The following PACS2 variants were observed in gnomAD, a reference collection of about 807,000 sequenced individuals.
The protein encoded by PACS2 is PACS1-like protein.
In PACS2, 36 loss-of-function variants were observed where a neutral mutation model predicts 113.0. The observed-to-expected ratio is 0.32, with a 90% confidence interval of 0.24 to 0.42. The LOEUF is 0.42. PACS2 is among the 10% of genes least tolerant of loss of function. The pLI is 1.00. For missense variants in PACS2, 1,015 were observed against 1,239.5 expected, an observed-to-expected ratio of 0.82 and a Z score of 2.72; for synonymous variants, 589 against 536.1, an observed-to-expected ratio of 1.10 and a Z score of -1.36.
At chr14:105,385,605 GAGTGCCCTCGGC>G (rs1175526021) in intron 18 of PACS2, 68 bp from the exon 19 acceptor site, 12 of 936,462 alleles carry the variant, frequency 1.3e-5, no homozygotes, top group Non-Finnish European at 1.9e-5. Context: ...GGGAGCCACT[GAGTGCCCTCGGC>G]GGTCCCTGGA....
At chr14:105,350,834 G>T (rs1213519089) in intron 2 of PACS2, among the ~76,000 whole-genome samples, 1 of 152,228 alleles carries the variant, frequency 6.6e-6, no homozygotes, top group Non-Finnish European at 1.5e-5. Flanking sequence ...AAGGGGAGGA[G>T]CAGGGAGAGT....
At chr14:105,377,754 C>T (rs1344313386) in intron 9 of PACS2, among the ~76,000 whole-genome samples, 1 of 152,260 alleles carries the variant, frequency 6.6e-6, no homozygotes, top group Non-Finnish European at 1.5e-5. Context: ...CCAGCAGCCA[C>T]CATAACAGGT....
At position 105,376,936 on chromosome 14, in the gene PACS2, C is replaced by T. The variant is rs781976486; in HGVS notation, c.959+11C>T. The T allele has an allele frequency of 1.4e-5, 22 of 1,586,470 alleles. No homozygotes were observed. Among genetic ancestry groups the T allele is most frequent in the Admixed American group, 8.8e-5 (5 of 57,030 alleles). ...CAAGCCGAAGCTGCGGTGAGCCCTA[C>T]AGGGCGGGGCGGGGAGGAACAGCCA... On this transcript the variant is annotated intron_variant, in intron 9 of 24. Transcript: ENST00000447393. This position sits in a 1 kb window ranked among gnomAD's most constrained non-coding sequence, Gnocchi z 4.7.
chr14:105,335,832 C>T (rs1166263202), intron 1 of PACS2, among the ~76,000 whole-genome samples: 3 of 152,226 alleles, frequency 2.0e-5, no homozygotes, highest in Admixed American at 6.5e-5. Flanking sequence ...CGCCCTCGGC[C>T]GCCCGGGCGA....
chr14:105,383,881 C>G (rs1039991771), intron 16 of PACS2: 8 of 299,692 alleles, frequency 2.7e-5, no homozygotes, highest in Admixed American at 4.8e-5. Context: ...AAGTGCAAAG[C>G]AGGGCTCGTT....
At chr14:105,313,031 G>A (rs779358083), upstream of PACS2, among the ~76,000 whole-genome samples, 2 of 152,112 alleles carry the variant, frequency 1.3e-5, no homozygotes, top group African/African-American at 4.8e-5. Flanking sequence ...GGCTCACAAC[G>A]GTGCCTGGCA....
upstream of PACS2, among the ~76,000 whole-genome samples, chr14:105,311,099 C>T (rs1022110625): frequency 6.6e-6 from 1 of 152,064 alleles, no homozygotes; most frequent in African/African-American, 2.4e-5. Flanking sequence ...ATTACAGGCG[C>T]GCACCATCAT....
intron 1 of PACS2, among the ~76,000 whole-genome samples, chr14:105,325,169 C>CCGG (rs1555398083): frequency 2.4e-5 from 1 of 41,854 alleles, no homozygotes; most frequent in African/African-American, 5.0e-5. Context: ...GGTGGTGGGA[C>CCGG]GGGGGGGGGC....
At chr14:105,375,936 A>T (rs1170271012) in intron 8 of PACS2, among the ~76,000 whole-genome samples, 3 of 152,176 alleles carry the variant, frequency 2.0e-5, no homozygotes, top group African/African-American at 7.2e-5. Context: ...TAAAGGAAAG[A>T]GGTTTAGTTG....
rs2060038546 is a variant in PACS2, at chr14:105,348,759, C to T, written c.207+179C>T. 1.7e-6 allele frequency: 1 copy of T among 599,422 alleles called. No individual in the cohort carries two copies. The highest frequency in any genetic ancestry group is 1.8e-5 in the South Asian group (1 of 54,928). 37.1% of individuals were successfully genotyped at this position (599,422 alleles called of 1,614,324 possible). Reference sequence around the variant, plus strand: ...AGGATGCTCCTGGGTCCAGTCCTGTCCCGCACAAGGGAGGCAGGCCCGGCC... The same window carrying T: ...AGGATGCTCCTGGGTCCAGTCCTGTTCCGCACAAGGGAGGCAGGCCCGGCC... On this transcript the variant is annotated intron_variant, in intron 2 of 24. Transcript: ENST00000447393. The surrounding 1 kb of genome is among the most constrained non-coding windows in gnomAD (Gnocchi z 6.4).
At chr14:105,362,243 A>C (rs7160904) in intron 4 of PACS2, among the ~76,000 whole-genome samples, 32,347 of 150,000 alleles carry the variant, frequency 0.22, 6,241 homozygotes, top group African/African-American at 0.53. Flanking sequence ...ACAGTGAAAC[A>C]CCGTCTCTAC....
At chr14:105,383,563 T>C (rs782727665) in intron 16 of PACS2, 50 bp downstream of exon 16, 3 of 1,522,158 alleles carry the variant, frequency 2.0e-6, no homozygotes, top group Admixed American at 1.8e-5. Context: ...CCACGGGCAG[T>C]GTGGCGTGGC....
rs745328502 is a variant in PACS2, at chr14:105,317,553, C to T, written c.119+2516C>T. Among the ~76,000 whole-genome samples, 77 of 152,170 alleles carry T rather than the reference C, an allele frequency of 5.1e-4. 1 individual carries two copies. The highest frequency in any genetic ancestry group is 5.9e-4 in the Non-Finnish European group (40 of 68,022). ...GGTATCGTGGTTTTAACTTGAATTT[C>T]TCTGATTACTAATTTAGGCCATTTG... On this transcript the variant is annotated intron_variant, in intron 1 of 24. Transcript: ENST00000447393. This position sits in a 1 kb window ranked among gnomAD's most constrained non-coding sequence, Gnocchi z 4.2.
intron 19 of PACS2, 98 bp from the exon 20 acceptor site, chr14:105,389,863 C>T (rs1279023243): frequency 3.0e-5 from 34 of 1,135,502 alleles, no homozygotes; most frequent in Non-Finnish European, 3.3e-5. Flanking sequence ...GGCCGCGGCC[C>T]CAGGGCTGCG....
chr14:105,382,650 C>A (rs2081034699), intron 14 of PACS2, 69 bp downstream of exon 14: 1 of 1,086,840 alleles, frequency 9.2e-7, no homozygotes, highest in South Asian at 1.3e-5. Context: ...CCTGAAGCTG[C>A]CCCCTACCCG....
At chr14:105,360,753 C>T (rs967965284) in intron 4 of PACS2, among the ~76,000 whole-genome samples, 3 of 152,136 alleles carry the variant, frequency 2.0e-5, no homozygotes, top group Middle Eastern at 3.4e-3. Flanking sequence ...AGAATAGTTC[C>T]CTGTCGCATG....
At chr14:105,302,219 T>C (rs2058059519) in intron 1 of PACS2, among the ~76,000 whole-genome samples, 1 of 150,816 alleles carries the variant, frequency 6.6e-6, no homozygotes, top group Non-Finnish European at 1.5e-5. Flanking sequence ...TTTTTTTTTT[T>C]TGAGACGGAG....
Position 105,332,521 on chromosome 14 carries a change from G to C in PACS2, c.120-15972G>C, listed in dbSNP as rs146768885. Reference sequence around the variant, plus strand: ...TGTGAAAACCCCCATGGGAAGCTGTGCTGATCCTCCCCTGAGCCTGTGACA... The same window carrying C: ...TGTGAAAACCCCCATGGGAAGCTGTCCTGATCCTCCCCTGAGCCTGTGACA... On this transcript the variant is annotated intron_variant, in intron 1 of 24. Coordinates refer to ENST00000447393, the MANE Select transcript of PACS2 (RefSeq NM_001100913.3). 2.1e-3 allele frequency among the ~76,000 whole-genome samples: 313 copies of C among 152,358 alleles called. 1 individual carries two copies. The highest frequency in any genetic ancestry group is 0.014 in the Admixed American group (217 of 15,308).
At position 105,365,666 on chromosome 14, in the gene PACS2, G is replaced by A. The variant is rs925187796; in HGVS notation, c.424-1547G>A. On this transcript the variant is annotated intron_variant, in intron 4 of 24. Transcript: ENST00000447393. This position sits in a 1 kb window ranked among gnomAD's most constrained non-coding sequence, Gnocchi z 5.1. ...CCTGAGCCCCACCTTGATTCCTCCG[G>A]GACCCCAGCCCGGCAGCCCCCTCCC... Among the ~76,000 whole-genome samples, 3 of 152,138 alleles carry A rather than the reference G, an allele frequency of 2.0e-5. No homozygotes were observed. The highest frequency in any genetic ancestry group is 2.0e-4 in the Admixed American group (3 of 15,270).
Sources: gnomAD v4.1 joint callset for allele counts (sites outside exome capture counted in the v4.1 genomes callset) on GRCh38, gnomAD v4.1.1 for gene constraint, Gnocchi (gnomAD v3.1) non-coding constraint, MANE v1.5 for transcripts, NCBI Gene and HGNC (gene_info 2026-07-23, HGNC 2026-07-21) for gene names.